The following ARMH3 variants were observed in gnomAD, a reference collection of about 807,000 sequenced individuals.
The protein encoded by ARMH3 is armadillo like helical domain containing 3.
Under a neutral mutation model 99.1 loss-of-function variants are expected in ARMH3, and 60 were observed. That is an observed-to-expected ratio of 0.61 (90% CI 0.49 to 0.75). The LOEUF (loss-of-function observed/expected upper bound fraction) is 0.75, where lower values mean the gene tolerates loss of function less well. ARMH3 is among the 30% of genes least tolerant of loss of function. The pLI, the probability that ARMH3 is intolerant of heterozygous loss-of-function variation, is 0.00. For missense variants in ARMH3, 679 were observed against 843.1 expected, an observed-to-expected ratio of 0.81 and a Z score of 2.41; for synonymous variants, 285 against 292.8, an observed-to-expected ratio of 0.97 and a Z score of 0.27.
chr10:101,956,746 T>C (rs372697789), intron 21 of ARMH3, 23 bp from the exon 22 acceptor site: 39 of 1,610,470 alleles, frequency 2.4e-5, no homozygotes, highest in African/African-American at 5.3e-5. Flanking sequence ...GAAAGGCCCA[T>C]ATATAGGCAT....
chr10:101,948,486 G>GA (rs1402406390), intron 22 of ARMH3, among the ~76,000 whole-genome samples: 2 of 152,054 alleles, frequency 1.3e-5, no homozygotes, highest in African/African-American at 4.8e-5. Context: ...ACAGAATTCA[G>GA]AACAAGGAAT....
intron 9 of ARMH3, among the ~76,000 whole-genome samples, chr10:102,013,703 A>G (rs2066680351): frequency 6.6e-6 from 1 of 152,194 alleles, no homozygotes; most frequent in African/African-American, 2.4e-5. Flanking sequence ...AGGATAATCA[A>G]CTTCAGCACA....
At chr10:102,038,357 GTGCTGAGATTACAGGCA>G (rs2067329533) in intron 2 of ARMH3, among the ~76,000 whole-genome samples, 1 of 152,014 alleles carries the variant, frequency 6.6e-6, no homozygotes, top group Admixed American at 6.6e-5. Flanking sequence ...GCCTCCCAAA[GTGCTGAGATTACAGGCA>G]TGAGCCACCA....
At chr10:102,037,239 T>C (rs1399942378) in intron 2 of ARMH3, among the ~76,000 whole-genome samples, 2 of 148,720 alleles carry the variant, frequency 1.3e-5, no homozygotes, top group Admixed American at 1.3e-4. Context: ...TGTAGTGCAA[T>C]GGCAAGATCT....
At chr10:102,002,545 C>T (rs1263754631) in intron 14 of ARMH3, among the ~76,000 whole-genome samples, 2 of 151,974 alleles carry the variant, frequency 1.3e-5, no homozygotes, top group Non-Finnish European at 2.9e-5. Flanking sequence ...AGTCTTTAGG[C>T]TGGACGTACC....
rs2135689445 is a variant in ARMH3 at position 101,934,897 on chromosome 10, A to G, written c.1781+4966T>C. Among the ~76,000 whole-genome samples, 4 of 152,230 alleles carry G rather than the reference A, an allele frequency of 2.6e-5. No individual in the cohort carries two copies. In the Middle Eastern group the frequency reaches 0.01, roughly 388 times the overall value. ...AGTGTTGGCAGGAAATATTTAGCAT[A>G]TAAGTCTTCAGACAAAAGTTTCCAA... On this transcript the variant is annotated intron_variant, in intron 23 of 25. Transcript: ENST00000370033.
At chr10:101,877,164 G>A (rs760972049) in intron 24 of ARMH3, among the ~76,000 whole-genome samples, 1 of 152,250 alleles carries the variant, frequency 6.6e-6, no homozygotes, top group African/African-American at 2.4e-5. Flanking sequence ...ATAGCCAGAC[G>A]TGGTAGCACA....
At chr10:102,004,451 G>A (rs1177742757) in intron 14 of ARMH3, among the ~76,000 whole-genome samples, 1 of 152,214 alleles carries the variant, frequency 6.6e-6, no homozygotes, top group Non-Finnish European at 1.5e-5. Context: ...AAGGGAGACA[G>A]TCATTTGAAA....
chr10:101,961,266 G>GCTCTCAC (rs1422328055), intron 20 of ARMH3, among the ~76,000 whole-genome samples: 1 of 150,880 alleles, frequency 6.6e-6, no homozygotes, highest in African/African-American at 2.4e-5. Flanking sequence ...CTACATCTCA[G>GCTCTCAC]CTCTCACCTC....
chr10:102,042,918 C>G (rs1220418329), intron 1 of ARMH3, among the ~76,000 whole-genome samples: 1 of 152,094 alleles, frequency 6.6e-6, no homozygotes, highest in Admixed American at 6.6e-5. Flanking sequence ...ACTAAAAATA[C>G]AAAATTAGCC....
chr10:101,984,940 T>C (rs1846397578), intron 19 of ARMH3, among the ~76,000 whole-genome samples: 1 of 151,552 alleles, frequency 6.6e-6, no homozygotes, highest in Admixed American at 6.6e-5. Context: ...GTGGTGGTGC[T>C]TGCCTATAAT....
intron 23 of ARMH3, among the ~76,000 whole-genome samples, chr10:101,909,280 G>A (rs986779344): frequency 5.3e-5 from 8 of 151,706 alleles, no homozygotes; most frequent in Non-Finnish European, 1.0e-4. Context: ...GGTGGCGCAC[G>A]CCTGTAATCC....
chr10:101,994,571 A>G (rs955149169), intron 16 of ARMH3, among the ~76,000 whole-genome samples: 1 of 152,152 alleles, frequency 6.6e-6, no homozygotes, highest in African/African-American at 2.4e-5. Context: ...GTTTGAACCT[A>G]ATTAGTCCAA....
chr10:102,038,089 CTTTTTTTTTTT>C (rs949920845), intron 2 of ARMH3, among the ~76,000 whole-genome samples: 3 of 113,316 alleles, frequency 2.6e-5, no homozygotes, highest in East Asian at 2.5e-4. Context: ...AGAAAGAATC[CTTTTTTTTTTT>C]TTTTTTTTTT....
intron 23 of ARMH3, among the ~76,000 whole-genome samples, chr10:101,937,198 G>A (rs1316170816): frequency 1.1e-4 from 16 of 152,178 alleles, no homozygotes; most frequent in Admixed American, 1.0e-3. Context: ...TTGCAAGAAA[G>A]AGCAGCCCTG....
intron 23 of ARMH3, among the ~76,000 whole-genome samples, chr10:101,930,061 C>T (rs7906743): frequency 0.27 from 40,864 of 151,924 alleles, 5,821 homozygotes; most frequent in East Asian, 0.52. Flanking sequence ...ATTTTCAGAT[C>T]TGAGATGCTC....
At chr10:101,963,177 C>G (rs1845378434) in intron 20 of ARMH3, among the ~76,000 whole-genome samples, 1 of 148,762 alleles carries the variant, frequency 6.7e-6, no homozygotes, top group African/African-American at 2.5e-5. Flanking sequence ...GAGTCTCACT[C>G]TGTTGCCGAG....
chr10:102,012,909 G>C (rs751592345), intron 9 of ARMH3, 33 bp from the exon 10 acceptor site: 17 of 1,568,366 alleles, frequency 1.1e-5, no homozygotes, highest in Non-Finnish European at 8.7e-7. Context: ...GGTGAAATAA[G>C]ACAGTAGCCT....
At chr10:101,971,384 G>C (rs1845766854) in intron 20 of ARMH3, among the ~76,000 whole-genome samples, 1 of 152,026 alleles carries the variant, frequency 6.6e-6, no homozygotes, top group Non-Finnish European at 1.5e-5. Flanking sequence ...TTTGAGGCCA[G>C]CTTGGCCAAC....
Sources: allele counts gnomAD v4.1 joint callset (sites outside exome capture counted in the v4.1 genomes callset), GRCh38; gene constraint gnomAD v4.1.1; transcripts MANE v1.5; gene names NCBI Gene and HGNC (gene_info 2026-07-23, HGNC 2026-07-21).